ABL1: variants seen among roughly 807,000 people sequenced by gnomAD.
The protein encoded by ABL1 is ABL proto-oncogene 1, non-receptor tyrosine kinase, also known as tyrosine-protein kinase ABL1.
In ABL1, 11 loss-of-function variants were observed where a neutral mutation model predicts 94.7. The ratio of observed to expected loss-of-function variants is 0.12; its 90% CI spans 0.07 to 0.19. ABL1 has a LOEUF of 0.19. Among genes scored for constraint, ABL1 ranks in the 10% least tolerant of loss-of-function variants. The pLI, the probability that ABL1 is intolerant of heterozygous loss-of-function variation, is 1.00. For synonymous variants in ABL1, 656 were observed against 622.4 expected, an observed-to-expected ratio of 1.05 and a Z score of -0.80; for missense variants, 1,082 against 1,489.4, an observed-to-expected ratio of 0.73 and a Z score of 4.50.
rs1239781551 is a variant in ABL1 at position 130,886,116 on chromosome 9, A to G, written c.*433A>G. ...CACTTCTCCAAGAATGGAAGCCTGA[A>G]CTGAGGCCTTGTGTGTCAGGCCCTC... On this transcript the variant is annotated 3_prime_UTR_variant, in exon 11 of 11. Transcript: ENST00000318560. 7.8e-6 allele frequency: 2 copies of G among 255,736 alleles called. No homozygotes were observed. The highest frequency in any genetic ancestry group is 1.5e-5 in the Non-Finnish European group (2 of 132,110). The allele number at this position is 255,736 out of a possible 1,614,324, so 15.8% of individuals were successfully genotyped here. A position where few individuals can be genotyped will look rare whatever the true frequency, so the allele number is the denominator to read the frequency against.
intron 1 of ABL1, among the ~76,000 whole-genome samples, chr9:130,747,403 C>T (rs1831901544): frequency 6.6e-6 from 1 of 151,964 alleles, no homozygotes; most frequent in African/African-American, 2.4e-5. Flanking sequence ...TCAAGTCTCC[C>T]TCAGTCTTCC....
At position 130,848,352 on chromosome 9, in the gene ABL1, A is replaced by AG. The variant is rs1426941589; in HGVS notation, c.80-5712_80-5711insG. ...CCCGTCTCTACTGAAAATGAAAAAAAAAAAAAAAAAAAAAACTTAGCCAGG... is the reference window on the plus strand; with the variant it reads ...CCCGTCTCTACTGAAAATGAAAAAAAGAAAAAAAAAAAAAAACTTAGCCAGG... On this transcript the variant is annotated intron_variant, in intron 1 of 10. Transcript: ENST00000318560. 9.3e-5 allele frequency among the ~76,000 whole-genome samples: 14 copies of AG among 150,144 alleles called. 1 individual carries two copies. The highest frequency in any genetic ancestry group is 3.4e-4 in the African/African-American group (14 of 40,780).
At chr9:130,729,663 G>A (rs115819338) in intron 1 of ABL1, among the ~76,000 whole-genome samples, 1 of 152,072 alleles carries the variant, frequency 6.6e-6, no homozygotes, top group East Asian at 1.9e-4. Context: ...CAGCCATACA[G>A]TTGTTTAGGA....
chr9:130,841,463 C>T (rs887097512), intron 1 of ABL1, among the ~76,000 whole-genome samples: 4 of 152,098 alleles, frequency 2.6e-5, no homozygotes, highest in Admixed American at 6.5e-5. Context: ...ACATTCAAAG[C>T]CGTCCTGGGC....
At chr9:130,791,195 T>G (rs982183458) in intron 1 of ABL1, among the ~76,000 whole-genome samples, 1 of 152,010 alleles carries the variant, frequency 6.6e-6, no homozygotes, top group African/African-American at 2.4e-5. Flanking sequence ...GGAACAACAA[T>G]TCATATGCCA....
At chr9:130,879,365 A>C (rs1472604042) in intron 8 of ABL1, among the ~76,000 whole-genome samples, 2 of 152,182 alleles carry the variant, frequency 1.3e-5, no homozygotes, top group African/African-American at 4.8e-5. Flanking sequence ...ATTTATGTAT[A>C]GCTGCCCAGT....
At chr9:130,807,562 T>C (rs1830142572) in intron 1 of ABL1, among the ~76,000 whole-genome samples, 1 of 151,806 alleles carries the variant, frequency 6.6e-6, no homozygotes. Context: ...TTTTAAAAAC[T>C]GTATTTACCC....
chr9:130,777,609 T>C (rs1829685460), intron 1 of ABL1, among the ~76,000 whole-genome samples: 1 of 89,612 alleles, frequency 1.1e-5, no homozygotes. Flanking sequence ...GGGCTTTGTG[T>C]TGGGACGCTG....
intron 1 of ABL1, among the ~76,000 whole-genome samples, chr9:130,760,329 A>G (rs1478359154): frequency 6.6e-6 from 1 of 152,168 alleles, no homozygotes; most frequent in Non-Finnish European, 1.5e-5. Context: ...GTTGGCCATT[A>G]GGATTCCTGT....
intron 1 of ABL1, among the ~76,000 whole-genome samples, chr9:130,796,966 A>C (rs1177183877): frequency 6.8e-6 from 1 of 147,918 alleles, no homozygotes; most frequent in Non-Finnish European, 1.5e-5. Flanking sequence ...GGCCAGGCAC[A>C]GTGGCTCACG....
At chr9:130,762,861 A>G (rs1228972498) in intron 1 of ABL1, among the ~76,000 whole-genome samples, 1 of 151,222 alleles carries the variant, frequency 6.6e-6, no homozygotes, top group South Asian at 2.1e-4. Flanking sequence ...CAGTGAGCCA[A>G]GATGGCGCCA....
intron 1 of ABL1, among the ~76,000 whole-genome samples, chr9:130,760,678 T>C (rs1473579664): frequency 6.6e-6 from 1 of 152,140 alleles, no homozygotes; most frequent in Non-Finnish European, 1.5e-5. Flanking sequence ...CTTTTTTTTT[T>C]TTTGAAATGG....
At chr9:130,808,720 GA>G (rs2132847209) in intron 1 of ABL1, among the ~76,000 whole-genome samples, 1 of 152,242 alleles carries the variant, frequency 6.6e-6, no homozygotes, top group South Asian at 2.1e-4. Context: ...GCCATACTCT[GA>G]TGACTCCCAC....
intron 1 of ABL1, among the ~76,000 whole-genome samples, chr9:130,840,723 C>T (rs923707962): frequency 2.0e-4 from 30 of 151,814 alleles, no homozygotes; most frequent in Admixed American, 1.3e-4. Flanking sequence ...CTCACTATGT[C>T]GCCCAGGCTG....
chr9:130,869,084 G>A (rs1427142589), intron 4 of ABL1, among the ~76,000 whole-genome samples: 5 of 151,898 alleles, frequency 3.3e-5, no homozygotes, highest in African/African-American at 1.2e-4. Context: ...GGAGAATGGT[G>A]TGAACCTGGG....
intron 1 of ABL1, among the ~76,000 whole-genome samples, chr9:130,754,707 A>T (rs978120504): frequency 2.3e-4 from 35 of 151,944 alleles, no homozygotes; most frequent in African/African-American, 8.5e-4. Context: ...ATTATTGGTC[A>T]TTGGAGGTAT....
intron 1 of ABL1, among the ~76,000 whole-genome samples, chr9:130,829,405 C>CA (rs951254991): frequency 1.4e-4 from 22 of 151,814 alleles, no homozygotes; most frequent in Non-Finnish European, 2.4e-4. Flanking sequence ...ACTAAAAATA[C>CA]AAAAAAATTA....
At chr9:130,855,621 A>G (rs1830962071) in intron 3 of ABL1, among the ~76,000 whole-genome samples, 1 of 152,154 alleles carries the variant, frequency 6.6e-6, no homozygotes, top group Non-Finnish European at 1.5e-5. Context: ...GATCAAACCC[A>G]CAGCTTACCA....
chr9:130,745,944 G>A (rs1831882637), intron 1 of ABL1, among the ~76,000 whole-genome samples: 1 of 152,094 alleles, frequency 6.6e-6, no homozygotes, highest in Admixed American at 6.5e-5. Flanking sequence ...GACTCAGAAC[G>A]TGAATGGAAG....
Sources: gnomAD v4.1 joint callset for allele counts (sites outside exome capture counted in the v4.1 genomes callset) on GRCh38, gnomAD v4.1.1 for gene constraint, MANE v1.5 for transcripts, NCBI Gene and HGNC (gene_info 2026-07-23, HGNC 2026-07-21) for gene names.